The following DIAPH3 variants were observed in gnomAD, a reference collection of about 807,000 sequenced individuals.
The protein encoded by DIAPH3 is protein diaphanous homolog 3.
A neutral mutation model predicts 144.3 loss-of-function variants in DIAPH3; 117 were observed. The observed-to-expected ratio is 0.81, with a 90% CI of 0.70 to 0.95. DIAPH3 has a LOEUF of 0.95. DIAPH3 is among the 40% of genes least tolerant of loss of function. The pLI is 0.00. For missense variants in DIAPH3, 1,421 were observed against 1,412.7 expected, an observed-to-expected ratio of 1.01 and a Z score of -0.09; for synonymous variants, 519 against 488.9, an observed-to-expected ratio of 1.06 and a Z score of -0.81.
chr13:59,959,318 A>G (rs2049605256), intron 17 of DIAPH3, among the ~76,000 whole-genome samples: 1 of 152,236 alleles, frequency 6.6e-6, no homozygotes, highest in Non-Finnish European at 1.5e-5. Flanking sequence ...TAACTGTGAA[A>G]TAAGAAATTT....
intron 27 of DIAPH3, among the ~76,000 whole-genome samples, chr13:59,728,250 T>G (rs1373784523): frequency 1.3e-5 from 2 of 151,536 alleles, no homozygotes; most frequent in Admixed American, 1.3e-4. Flanking sequence ...AGTTTTTGCT[T>G]ATTTGCTTTT....
At position 59,692,931 on chromosome 13, in the gene DIAPH3, G is replaced by A. The variant is rs766482422; in HGVS notation, c.3320-26085C>T. On this transcript the variant is annotated intron_variant, in intron 27 of 27. Transcript: ENST00000400324. ...CAGAGCTTACATTCTATTGGCAAAG[G>A]CAGGCATTAAACAAATAATCAAACA... Among the ~76,000 whole-genome samples, 16 of 152,102 alleles carry A rather than the reference G, an allele frequency of 1.1e-4. 1 individual carries two copies. The highest frequency in any genetic ancestry group is 4.2e-4 in the South Asian group (2 of 4,816).
intron 4 of DIAPH3, among the ~76,000 whole-genome samples, chr13:60,055,437 G>C (rs770375498): frequency 1.3e-5 from 2 of 151,862 alleles, no homozygotes; most frequent in Non-Finnish European, 2.9e-5. Flanking sequence ...ACTGCTGAAT[G>C]CAATACTCCA....
intron 27 of DIAPH3, among the ~76,000 whole-genome samples, chr13:59,766,787 T>C (rs1444295588): frequency 2.3e-5 from 3 of 131,588 alleles, no homozygotes; most frequent in Non-Finnish European, 4.8e-5. Context: ...ATCTAGGCTT[T>C]CAAAAAAAAA....
intron 4 of DIAPH3, among the ~76,000 whole-genome samples, chr13:60,065,947 T>C (rs550049099): frequency 2.6e-4 from 40 of 152,294 alleles, no homozygotes; most frequent in Non-Finnish European, 3.5e-4. Flanking sequence ...TTCATGATGA[T>C]CTGCAGAAAC....
At chr13:59,906,299 A>G (rs2140208075) in intron 20 of DIAPH3, among the ~76,000 whole-genome samples, 1 of 152,340 alleles carries the variant, frequency 6.6e-6, no homozygotes, top group Admixed American at 6.5e-5. Context: ...TATATGACAC[A>G]GCCAAAAAGT....
chr13:59,776,074 A>T (rs2038399708), intron 25 of DIAPH3, among the ~76,000 whole-genome samples: 1 of 152,228 alleles, frequency 6.6e-6, no homozygotes. Flanking sequence ...ATACTGCTAC[A>T]TTTAAAATAA....
intron 3 of DIAPH3, among the ~76,000 whole-genome samples, chr13:60,104,817 C>T (rs565866063): frequency 2.8e-4 from 43 of 152,110 alleles, no homozygotes; most frequent in African/African-American, 8.9e-4. Flanking sequence ...ATTGGCCAGG[C>T]GCGGTGGCTC....
intron 17 of DIAPH3, among the ~76,000 whole-genome samples, chr13:59,952,477 G>A (rs1434773566): frequency 6.6e-6 from 1 of 152,054 alleles, no homozygotes; most frequent in East Asian, 1.9e-4. Context: ...AATTGCTCCT[G>A]GTTTGTAGAC....
intron 27 of DIAPH3, among the ~76,000 whole-genome samples, chr13:59,680,171 C>A (rs1318310118): frequency 6.6e-6 from 1 of 152,260 alleles, no homozygotes; most frequent in African/African-American, 2.4e-5. Context: ...ATTTAAGAAA[C>A]ACACACACCT....
At chr13:60,040,112 A>G (rs747211103) in intron 5 of DIAPH3, among the ~76,000 whole-genome samples, 1 of 150,358 alleles carries the variant, frequency 6.7e-6, no homozygotes, top group Non-Finnish European at 1.5e-5. Context: ...CTGTAATCCC[A>G]GCTACTCGGG....
At chr13:60,074,647 C>T (rs1378003107) in intron 4 of DIAPH3, among the ~76,000 whole-genome samples, 1 of 152,172 alleles carries the variant, frequency 6.6e-6, no homozygotes, top group Non-Finnish European at 1.5e-5. Flanking sequence ...AATGCTTTTA[C>T]AAGTTTGGTT....
chr13:59,826,241 G>A (rs2041410058), intron 24 of DIAPH3, among the ~76,000 whole-genome samples: 1 of 116,782 alleles, frequency 8.6e-6, no homozygotes, highest in Non-Finnish European at 1.9e-5. Context: ...AAGTCAAATT[G>A]TCCCTGTTTG....
intron 20 of DIAPH3, among the ~76,000 whole-genome samples, chr13:59,902,372 T>C (rs1174043473): frequency 6.6e-6 from 1 of 152,136 alleles, no homozygotes; most frequent in African/African-American, 2.4e-5. Flanking sequence ...ACGTGCCTGT[T>C]TCCCCTACAC....
chr13:60,139,407 G>A (rs1454740276), intron 1 of DIAPH3, among the ~76,000 whole-genome samples: 2 of 152,118 alleles, frequency 1.3e-5, no homozygotes, highest in Non-Finnish European at 2.9e-5. Flanking sequence ...CTGCAATTCT[G>A]CCAACCTCAG....
chr13:59,891,648 C>A (rs112101660), intron 20 of DIAPH3, among the ~76,000 whole-genome samples: 1 of 151,904 alleles, frequency 6.6e-6, no homozygotes, highest in African/African-American at 2.4e-5. Context: ...TTTTTTACCT[C>A]GAAGTTAATC....
intron 3 of DIAPH3, among the ~76,000 whole-genome samples, chr13:60,099,497 G>C (rs1452950208): frequency 6.6e-6 from 1 of 152,166 alleles, no homozygotes; most frequent in African/African-American, 2.4e-5. Context: ...GGGAGCTGCA[G>C]CTCTCAGTTG....
chr13:60,127,011 C>A (rs527590177), intron 2 of DIAPH3, among the ~76,000 whole-genome samples: 1 of 151,280 alleles, frequency 6.6e-6, no homozygotes, highest in African/African-American at 2.4e-5. Context: ...AAAGGTAAAA[C>A]AAACAAAAAC....
intron 27 of DIAPH3, among the ~76,000 whole-genome samples, chr13:59,764,877 C>A (rs1225317865): frequency 6.6e-6 from 1 of 152,046 alleles, no homozygotes; most frequent in Non-Finnish European, 1.5e-5. Context: ...TTGTTTTCAG[C>A]CTTCCAATTT....
Sources: allele counts gnomAD v4.1 joint callset (sites outside exome capture counted in the v4.1 genomes callset), GRCh38; gene constraint gnomAD v4.1.1; transcripts MANE v1.5; gene names NCBI Gene and HGNC (gene_info 2026-07-23, HGNC 2026-07-21).